KALRN: variants seen among roughly 807,000 people sequenced by gnomAD.
KALRN encodes kalirin RhoGEF kinase.
KALRN carries 70 observed loss-of-function variants against 353.7 expected under a neutral mutation model. The observed-to-expected ratio is 0.20, with a 90% CI of 0.16 to 0.24. KALRN has a LOEUF of 0.24. KALRN is among the 10% of genes least tolerant of loss of function. KALRN has a pLI of 1.00. For synonymous variants in KALRN, 1,391 were observed against 1,434.8 expected (o/e 0.97, Z 0.69); for missense variants, 2,791 against 3,756.7 (o/e 0.74, Z 6.72).
Position 124,632,601 on chromosome 3 carries a change from C to T in KALRN, c.5364C>T (p.Asn1788=), listed in dbSNP as rs558315603. ...TTAACAGCGGGAAGGCAGATGGAAA[C>T]ATCAAAAAGCAGAAGAAAGTTCGCG... ...RRLNSGKADG[N]IKKQKKVRDG... is the part of the protein sequence containing the mutation. Residue 1788 remains asparagine (N), a synonymous_variant, in exon 35 of 60, where the codon AAC becomes AAT. Transcript: ENST00000682506. The T allele has an allele frequency of 3.5e-5, 57 of 1,614,164 alleles. No homozygotes were observed. The South Asian group carries it at 4.9e-4, about 14-fold the overall frequency.
intron 1 of KALRN, among the ~76,000 whole-genome samples, chr3:124,210,701 T>C (rs1214234548): frequency 6.6e-6 from 1 of 152,196 alleles, no homozygotes; most frequent in African/African-American, 2.4e-5. Context: ...ATCAGCAATG[T>C]TATTGGCATG....
chr3:124,330,345 A>G (rs1358525594), intron 8 of KALRN, among the ~76,000 whole-genome samples: 1 of 150,784 alleles, frequency 6.6e-6, no homozygotes, highest in Admixed American at 6.6e-5. Context: ...TTGGGGGAGG[A>G]ATATAAGAAA....
intron 33 of KALRN, among the ~76,000 whole-genome samples, chr3:124,525,514 G>A (rs1362248709): frequency 2.6e-5 from 4 of 152,126 alleles, no homozygotes; most frequent in African/African-American, 9.7e-5. Context: ...AGAGAGTTTA[G>A]ATTTTATTGG....
chr3:124,555,975 A>C (rs1284609834), intron 33 of KALRN, among the ~76,000 whole-genome samples: 1 of 152,212 alleles, frequency 6.6e-6, no homozygotes, highest in Non-Finnish European at 1.5e-5. Context: ...CTATTTATCA[A>C]ATATTAAAAC....
At chr3:124,060,736 A>G (rs569312859) in intron 1 of KALRN, among the ~76,000 whole-genome samples, 1 of 152,352 alleles carries the variant, frequency 6.6e-6, no homozygotes, top group East Asian at 1.9e-4. Context: ...CTTACTGCTG[A>G]GTTGCTGAGC....
chr3:124,211,072 T>C lies in KALRN; in HGVS notation c.74-16918T>C, dbSNP rs527768233. Among the ~76,000 whole-genome samples, 61 of 152,344 alleles carry C rather than the reference T, an allele frequency of 4.0e-4. No individual in the cohort carries two copies. In the South Asian group the frequency reaches 0.012, roughly 31 times the overall value. On this transcript the variant is annotated intron_variant, in intron 1 of 59. Coordinates refer to ENST00000682506, the MANE Select transcript of KALRN (RefSeq NM_001388419.1). ...TGTGTCTTGAATTGTGAATGGTTTC[T>C]GCAGTTTGGCTGTTCCCAGGTTTGT...
chr3:124,612,817 A>G (rs181730580), intron 34 of KALRN, among the ~76,000 whole-genome samples: 290 of 152,344 alleles, frequency 1.9e-3, no homozygotes, highest in African/African-American at 6.5e-3. Flanking sequence ...GCATATAGGA[A>G]GCACTCAACA....
intron 9 of KALRN, among the ~76,000 whole-genome samples, chr3:124,346,935 G>A (rs1411108248): frequency 6.6e-6 from 1 of 152,148 alleles, no homozygotes; most frequent in Admixed American, 6.6e-5. Flanking sequence ...AGGATAAGTT[G>A]AATTTAGGTA....
intron 10 of KALRN, among the ~76,000 whole-genome samples, chr3:124,363,764 C>G (rs772001212): frequency 3.9e-5 from 6 of 152,176 alleles, no homozygotes; most frequent in Non-Finnish European, 1.5e-5. Context: ...CCATGTGTAG[C>G]AGGATTAGCC....
At chr3:124,237,829 A>G (rs1560320163) in intron 3 of KALRN, among the ~76,000 whole-genome samples, 1 of 152,212 alleles carries the variant, frequency 6.6e-6, no homozygotes, top group Non-Finnish European at 1.5e-5. Flanking sequence ...AACCAGTAAT[A>G]GTAAAAGGCA....
chr3:124,166,765 G>C (rs759306000), intron 1 of KALRN, among the ~76,000 whole-genome samples: 1 of 152,150 alleles, frequency 6.6e-6, no homozygotes, highest in South Asian at 2.1e-4. Context: ...AGGGCCCGGC[G>C]TGGTGGCTCA....
intron 10 of KALRN, among the ~76,000 whole-genome samples, chr3:124,376,057 A>C (rs534832967): frequency 6.6e-6 from 1 of 152,232 alleles, no homozygotes; most frequent in Non-Finnish European, 1.5e-5. Flanking sequence ...TTAGATATAA[A>C]GAAAAATAGT....
intron 34 of KALRN, among the ~76,000 whole-genome samples, chr3:124,605,169 C>T (rs966294179): frequency 7.3e-5 from 11 of 150,852 alleles, no homozygotes; most frequent in African/African-American, 2.4e-4. Flanking sequence ...TGGTCTTGAA[C>T]TCCTGGCCTC....
intron 1 of KALRN, among the ~76,000 whole-genome samples, chr3:124,169,984 T>G (rs967184596): frequency 6.6e-6 from 1 of 152,168 alleles, no homozygotes; most frequent in African/African-American, 2.4e-5. Flanking sequence ...TATGAGAATC[T>G]AAGGTGGAGA....
At chr3:124,129,753 T>G (rs372473905) in intron 1 of KALRN, among the ~76,000 whole-genome samples, 2 of 152,354 alleles carry the variant, frequency 1.3e-5, no homozygotes, top group South Asian at 2.1e-4. Context: ...TCCCTTCTTC[T>G]GTTTTCATTC....
intron 59 of KALRN, 29 bp downstream of exon 59, chr3:124,717,414 C>T (rs533718289): frequency 4.1e-5 from 64 of 1,542,240 alleles, no homozygotes; most frequent in Non-Finnish European, 5.2e-5. Context: ...CTGCTGGGCG[C>T]AGTGGCTCAC....
At chr3:124,293,858 C>G (rs908177674) in intron 5 of KALRN, among the ~76,000 whole-genome samples, 6 of 152,110 alleles carry the variant, frequency 3.9e-5, no homozygotes, top group Admixed American at 3.9e-4. Flanking sequence ...AATGTCCTAG[C>G]TGGAAGGGAG....
intron 6 of KALRN, among the ~76,000 whole-genome samples, chr3:124,312,427 C>T (rs1241876788): frequency 6.6e-6 from 1 of 152,190 alleles, no homozygotes; most frequent in Non-Finnish European, 1.5e-5. Context: ...TCCCAAAATG[C>T]TGGGATCACA....
At chr3:124,476,116 A>T (rs951414030) in intron 26 of KALRN, among the ~76,000 whole-genome samples, 6 of 152,064 alleles carry the variant, frequency 3.9e-5, no homozygotes, top group African/African-American at 1.4e-4. Context: ...TAAAATATTC[A>T]TCTTTTGCCA....
Sources: gnomAD v4.1 joint callset for allele counts (sites outside exome capture counted in the v4.1 genomes callset) on GRCh38, gnomAD v4.1.1 for gene constraint, MANE v1.5 for transcripts, NCBI Gene and HGNC (gene_info 2026-07-23, HGNC 2026-07-21) for gene names.